APELA: variants seen among roughly 807,000 people sequenced by gnomAD.
APELA encodes protein Elabela.
chr4:164,895,107 G>A (rs1472642060), intron 2 of APELA, among the ~76,000 whole-genome samples: 1 of 152,182 alleles, frequency 6.6e-6, no homozygotes. Context: ...GCTGGGGCAT[G>A]AGAATCACTT....
chr4:164,887,134 C>A (rs1730790580), intron 2 of APELA, among the ~76,000 whole-genome samples: 1 of 152,092 alleles, frequency 6.6e-6, no homozygotes. Flanking sequence ...GGCCAGTTTT[C>A]TTCATTTTAA....
intron 2 of APELA, among the ~76,000 whole-genome samples, chr4:164,882,043 A>G (rs1371328867): frequency 2.0e-5 from 3 of 151,908 alleles, no homozygotes; most frequent in Non-Finnish European, 4.4e-5. Context: ...TACTTACTTA[A>G]TATGTACTCT....
At chr4:164,898,719 C>G (rs1352057870), downstream of APELA, 1 of 152,002 alleles carries the variant, frequency 6.6e-6, no homozygotes, top group Non-Finnish European at 1.5e-5. Flanking sequence ...TTTTGCCCTT[C>G]TTACAGCTTC....
At chr4:164,883,812 T>A (rs1305417762) in intron 2 of APELA, among the ~76,000 whole-genome samples, 20 of 150,892 alleles carry the variant, frequency 1.3e-4, no homozygotes, top group African/African-American at 4.4e-4. Context: ...AAAATACCTC[T>A]CAAGTATGGG....
intron 1 of APELA, among the ~76,000 whole-genome samples, chr4:164,878,715 AAAG>A (rs1162315539): frequency 1.3e-5 from 2 of 152,218 alleles, no homozygotes; most frequent in African/African-American, 2.4e-5. Flanking sequence ...AATAGGAGTA[AAAG>A]AAGATCTTGC....
chr4:164,898,376 C>T (rs913705897), downstream of APELA, among the ~76,000 whole-genome samples: 1 of 151,436 alleles, frequency 6.6e-6, no homozygotes. Flanking sequence ...GTGTCGGGTG[C>T]CTGTAATCCC....
chr4:164,883,897 A>G (rs4401415), intron 2 of APELA, among the ~76,000 whole-genome samples: 58,671 of 145,390 alleles, frequency 0.4, 12,348 homozygotes, highest in South Asian at 0.5. Flanking sequence ...CAATATGTCA[A>G]CACTGATCTA....
rs887408718 is a variant in APELA, at chr4:164,897,427, C to T, written c.*2013C>T. On this transcript the variant is annotated 3_prime_UTR_variant, in exon 3 of 3. Transcript: ENST00000507152. Reference sequence around the variant, plus strand: ...GTCTAAACTCTTTCAAATACAAATTCGCATATTCACAGAAAAAGTTACAAA... The same window carrying T: ...GTCTAAACTCTTTCAAATACAAATTTGCATATTCACAGAAAAAGTTACAAA... 7.2e-5 allele frequency: 11 copies of T among 152,246 alleles called. No homozygotes were observed. Among genetic ancestry groups the T allele is most frequent in the East Asian group, 5.8e-4 (3 of 5,186 alleles). The allele number at this position is 152,246 out of a possible 1,614,324, so 9.4% of individuals were successfully genotyped here.
rs1191547736 is a variant in APELA at position 164,895,867 on chromosome 4, A to G, written c.*453A>G. ...GATTTTCTAAAAACTGCTCAACCTG[A>G]AATCAATTGCATTGACCATTTGGCT... On this transcript the variant is annotated 3_prime_UTR_variant, in exon 3 of 3. Transcript: ENST00000507152. The G allele has an allele frequency of 5.3e-5, 8 of 152,228 alleles. No homozygotes were observed. 9.4% of individuals were successfully genotyped at this position (152,228 alleles called of 1,614,324 possible).
At chr4:164,891,646 A>G (rs541680017) in intron 2 of APELA, among the ~76,000 whole-genome samples, 30 of 152,282 alleles carry the variant, frequency 2.0e-4, no homozygotes, top group Admixed American at 1.9e-3. Flanking sequence ...ATATCCTGAA[A>G]TCTTAATAAA....
At chr4:164,894,010 T>C (rs1051025526) in intron 2 of APELA, among the ~76,000 whole-genome samples, 2 of 151,950 alleles carry the variant, frequency 1.3e-5, no homozygotes, top group Non-Finnish European at 2.9e-5. Flanking sequence ...TATTGTGCAG[T>C]ATAACATTTT....
chr4:164,880,597 C>G (rs948575498), intron 2 of APELA, among the ~76,000 whole-genome samples: 2 of 152,122 alleles, frequency 1.3e-5, no homozygotes, highest in African/African-American at 4.8e-5. Context: ...AATAGAGACA[C>G]CCCAGATTTT....
intron 2 of APELA, among the ~76,000 whole-genome samples, chr4:164,883,694 C>T (rs1730703728): frequency 6.6e-6 from 1 of 151,628 alleles, no homozygotes; most frequent in East Asian, 1.9e-4. Context: ...ACTTTGTTTC[C>T]AGGCTGGTCT....
chr4:164,893,619 A>G (rs1730919716), intron 2 of APELA, among the ~76,000 whole-genome samples: 1 of 152,126 alleles, frequency 6.6e-6, no homozygotes, highest in African/African-American at 2.4e-5. Context: ...TTATTAGTAT[A>G]TTCGCTTCAG....
chr4:164,889,622 AACGTGTGC>A (rs1730842183), intron 2 of APELA, among the ~76,000 whole-genome samples: 1 of 152,194 alleles, frequency 6.6e-6, no homozygotes, highest in African/African-American at 2.4e-5. Context: ...TACATAGGTA[AACGTGTGC>A]CATGGTGGTT....
At chr4:164,885,059 C>T (rs1251078774) in intron 2 of APELA, among the ~76,000 whole-genome samples, 6 of 152,052 alleles carry the variant, frequency 3.9e-5, no homozygotes, top group Non-Finnish European at 2.9e-5. Context: ...TCCCTGAAGG[C>T]CGAGGGTAGG....
intron 2 of APELA, among the ~76,000 whole-genome samples, chr4:164,893,764 T>C (rs1235206152): frequency 2.0e-5 from 3 of 152,198 alleles, no homozygotes; most frequent in Non-Finnish European, 4.4e-5. Context: ...TTTGTTTTTT[T>C]ACCCCGTCTG....
At chr4:164,888,595 G>T (rs13102757) in intron 2 of APELA, among the ~76,000 whole-genome samples, 40,304 of 152,018 alleles carry the variant, frequency 0.27, 6,839 homozygotes, top group African/African-American at 0.49. Flanking sequence ...TAATATAGGA[G>T]CTGGCCATTG....
intron 2 of APELA, among the ~76,000 whole-genome samples, chr4:164,888,761 CCTTTAGTGATTTCTCATTACT>C (rs113224525): frequency 0.071 from 10,758 of 152,104 alleles, 1,171 homozygotes; most frequent in African/African-American, 0.23. Context: ...TTCTTAAGGT[CCTTTAGTGATTTCTCATTACT>C]CTTACAATTG....
Sources: allele counts gnomAD v4.1 joint callset (sites outside exome capture counted in the v4.1 genomes callset), GRCh38; gene constraint gnomAD v4.1.1; transcripts MANE v1.5; gene names NCBI Gene and HGNC (gene_info 2026-07-23, HGNC 2026-07-21).